Variants in NUAK1 observed in about 807,000 individuals in gnomAD.
The protein encoded by NUAK1 is NUAK family kinase 1.
A neutral mutation model predicts 56.9 loss-of-function variants in NUAK1; 26 were observed. The ratio of observed to expected loss-of-function variants is 0.46; its 90% confidence interval spans 0.33 to 0.63. The LOEUF (loss-of-function observed/expected upper bound fraction) is 0.63, where lower values mean the gene tolerates loss of function less well. NUAK1 is among the 30% of genes least tolerant of loss of function. NUAK1 has a pLI of 0.02. For missense variants in NUAK1, 727 were observed against 876.1 expected (o/e 0.83, Z 2.15); for synonymous variants, 337 against 336.0 (o/e 1.00, Z -0.03).
rs1000764080 is a variant in NUAK1, at chr12:106,098,533, T to C, written c.361+7872A>G. Among the ~76,000 whole-genome samples the C allele has an allele frequency of 9.9e-5, 15 of 152,162 alleles. 1 individual carries two copies. In the South Asian group the frequency reaches 2.5e-3, roughly 25 times the overall value. ...TCACCCTTATCTAAAATAGGAGAAG[T>C]GATGAAAGGGTTGGCCAGTTCCAGC... On this transcript the variant is annotated intron_variant, in intron 2 of 6. Transcript: ENST00000261402.
At chr12:106,117,828 A>C (rs534327059) in intron 1 of NUAK1, among the ~76,000 whole-genome samples, 106 of 152,292 alleles carry the variant, frequency 7.0e-4, no homozygotes, top group Middle Eastern at 3.4e-3. Flanking sequence ...AAGGTCATTC[A>C]TTGTCAATGC....
At chr12:106,074,598 C>G (rs2032441839) in intron 4 of NUAK1, among the ~76,000 whole-genome samples, 2 of 152,124 alleles carry the variant, frequency 1.3e-5, no homozygotes, top group Admixed American at 1.3e-4. Flanking sequence ...TCACTCCACT[C>G]TAAGCCAGCC....
Position 106,138,887 on chromosome 12 carries a change from G to A in NUAK1, c.-234C>T, listed in dbSNP as rs1489099026. 1.3e-5 allele frequency: 6 copies of A among 450,018 alleles called. No homozygotes were observed. Among genetic ancestry groups the A allele is most frequent in the Non-Finnish European group, 2.2e-5 (6 of 277,192 alleles). The allele number at this position is 450,018 out of a possible 1,614,324, so 27.9% of individuals were successfully genotyped here. A position where few individuals can be genotyped will look rare whatever the true frequency, so the allele number is the denominator to read the frequency against. On this transcript the variant is annotated 5_prime_UTR_variant, in exon 1 of 7. Transcript: ENST00000261402. The surrounding 1 kb of genome is among the most constrained non-coding windows in gnomAD (Gnocchi z 5.0). ...CGCCCCCCGGCCGCGGCGAGCTGTG[G>A]AGCGTCGGGCGAGGTGGCGGCGGTG...
chr12:106,079,714 CCAGCCAATTA>C (rs2032497614), intron 4 of NUAK1, among the ~76,000 whole-genome samples: 1 of 152,220 alleles, frequency 6.6e-6, no homozygotes, highest in Non-Finnish European at 1.5e-5. Flanking sequence ...TTCTTCACTG[CCAGCCAATTA>C]CATTATGTGT....
chr12:106,080,857 C>CCCCAGGT (rs56010735), intron 4 of NUAK1, among the ~76,000 whole-genome samples: 3,618 of 152,290 alleles, frequency 0.024, 54 homozygotes, highest in Non-Finnish European at 0.034. Context: ...GTCTGTGGTC[C>CCCCAGGT]CCCAGGTCCA....
chr12:106,128,213 C>T (rs1022911131), intron 1 of NUAK1, among the ~76,000 whole-genome samples: 1 of 150,536 alleles, frequency 6.6e-6, no homozygotes, highest in Admixed American at 6.6e-5. Context: ...CTCACTGCAA[C>T]CTCCGCCTCC....
intron 1 of NUAK1, among the ~76,000 whole-genome samples, chr12:106,109,782 A>T (rs1312108637): frequency 1.3e-5 from 2 of 152,126 alleles, no homozygotes; most frequent in African/African-American, 4.8e-5. Flanking sequence ...AAATAATAGT[A>T]CCTGCCTCAT....
chr12:106,132,239 T>C (rs1198198704), intron 1 of NUAK1, among the ~76,000 whole-genome samples: 2 of 152,246 alleles, frequency 1.3e-5, no homozygotes, highest in African/African-American at 4.8e-5. Context: ...TTTTCAACCG[T>C]TGTCTTTCCT....
Position 106,121,952 on chromosome 12 carries a change from A to G in NUAK1, c.241-15427T>C, listed in dbSNP as rs542737439. On this transcript the variant is annotated intron_variant, in intron 1 of 6. Coordinates refer to ENST00000261402, the MANE Select transcript of NUAK1 (RefSeq NM_014840.3). ...GCAAAAGTGAGGAAAACCCAATCTTAAAGATTTTCTTTGCTTTTCTCATCT... is the reference window on the plus strand; with the variant it reads ...GCAAAAGTGAGGAAAACCCAATCTTGAAGATTTTCTTTGCTTTTCTCATCT... Among the ~76,000 whole-genome samples, 8 of 152,302 alleles carry G rather than the reference A, an allele frequency of 5.3e-5. 1 individual carries two copies. Among genetic ancestry groups the G allele is most frequent in the African/African-American group, 1.9e-4 (8 of 41,540 alleles).
At chr12:106,108,674 C>T (rs888368525) in intron 1 of NUAK1, among the ~76,000 whole-genome samples, 1 of 152,050 alleles carries the variant, frequency 6.6e-6, no homozygotes, top group African/African-American at 2.4e-5. Flanking sequence ...CTAAAGATGG[C>T]CGAGGGTAGA....
chr12:106,125,953 A>G (rs755018931), intron 1 of NUAK1, among the ~76,000 whole-genome samples: 1 of 152,200 alleles, frequency 6.6e-6, no homozygotes, highest in African/African-American at 2.4e-5. Context: ...AGAGTTCACT[A>G]TCAAATCTAC....
At chr12:106,137,019 A>G (rs2033135647) in intron 1 of NUAK1, among the ~76,000 whole-genome samples, 1 of 152,170 alleles carries the variant, frequency 6.6e-6, no homozygotes, top group South Asian at 2.1e-4. Flanking sequence ...AGCTTTAAAA[A>G]GAAATGTACG....
chr12:106,116,456 T>C (rs1022066382), intron 1 of NUAK1, among the ~76,000 whole-genome samples: 1 of 152,234 alleles, frequency 6.6e-6, no homozygotes, highest in African/African-American at 2.4e-5. Context: ...GCCCTCACTA[T>C]GTGCCAGGCC....
intron 2 of NUAK1, 22 bp downstream of exon 2, chr12:106,106,381 TTA>T (rs1491357285): frequency 0.13 from 109,824 of 876,900 alleles, 692 homozygotes; most frequent in African/African-American, 0.36. Context: ...GATATGGGGG[TTA>T]AAAAAAAAAA....
chr12:106,131,353 C>T (rs193293583), intron 1 of NUAK1, among the ~76,000 whole-genome samples: 50 of 152,266 alleles, frequency 3.3e-4, no homozygotes, highest in Middle Eastern at 3.4e-3. Flanking sequence ...CCAATTTACT[C>T]CCAACCCCAC....
At chr12:106,129,121 C>G (rs768097726) in intron 1 of NUAK1, among the ~76,000 whole-genome samples, 3 of 152,184 alleles carry the variant, frequency 2.0e-5, no homozygotes, top group Non-Finnish European at 2.9e-5. Flanking sequence ...AAAAACTACC[C>G]GCCTGGAGCA....
At chr12:106,090,264 T>C (rs1393244970) in intron 2 of NUAK1, among the ~76,000 whole-genome samples, 1 of 152,032 alleles carries the variant, frequency 6.6e-6, no homozygotes, top group Non-Finnish European at 1.5e-5. Flanking sequence ...CAGTCCCCCA[T>C]AGGAAGAAGC....
chr12:106,074,716 T>C (rs1321715770), intron 4 of NUAK1, among the ~76,000 whole-genome samples: 3 of 152,088 alleles, frequency 2.0e-5, no homozygotes, highest in Non-Finnish European at 4.4e-5. Flanking sequence ...CCAGCCTGAA[T>C]ACCACCGAGG....
chr12:106,107,559 G>A (rs978349877), intron 1 of NUAK1, among the ~76,000 whole-genome samples: 2 of 152,136 alleles, frequency 1.3e-5, no homozygotes, highest in African/African-American at 4.8e-5. Context: ...CTTTCCTAGG[G>A]GAAAGGCAGC....
Sources: gnomAD v4.1 joint callset for allele counts (sites outside exome capture counted in the v4.1 genomes callset) on GRCh38, gnomAD v4.1.1 for gene constraint, Gnocchi (gnomAD v3.1) non-coding constraint, MANE v1.5 for transcripts, NCBI Gene and HGNC (gene_info 2026-07-23, HGNC 2026-07-21) for gene names.